SNAP25: variants seen among roughly 807,000 people sequenced by gnomAD.
SNAP25 encodes synaptosomal-associated protein 25.
A neutral mutation model predicts 28.7 loss-of-function variants in SNAP25; 3 were observed. That is an observed-to-expected ratio of 0.10 (90% CI 0.05 to 0.27). The LOEUF is 0.27. SNAP25 is among the 10% of genes least tolerant of loss of function. The pLI is 1.00. For synonymous variants in SNAP25, 61 were observed against 88.1 expected, an observed-to-expected ratio of 0.69 and a Z score of 1.72; for missense variants, 117 against 278.7, an observed-to-expected ratio of 0.42 and a Z score of 4.13.
chr20:10,296,799 G>T, intron 5 of SNAP25, 126 bp from the exon 6 acceptor site: 1 of 1,413,018 alleles, frequency 7.1e-7, no homozygotes, highest in Non-Finnish European at 9.6e-7. Context: ...TGATATATCG[G>T]TATTATCTAA....
rs530128254 is a variant in SNAP25, at chr20:10,251,694, G to C, written c.-63-23735G>C. ...TGATTAAAGCAGGCTAACCTTTCCT[G>C]GGTGGCTTTTGTCTTTCCTTTTTGT... On this transcript the variant is annotated intron_variant, in intron 1 of 7. Coordinates refer to ENST00000254976, the MANE Select transcript of SNAP25 (RefSeq NM_130811.4). Among the ~76,000 whole-genome samples, 13 of 152,278 alleles carry C rather than the reference G, an allele frequency of 8.5e-5. 1 individual carries two copies. The South Asian group carries it at 2.5e-3, about 29-fold the overall frequency.
chr20:10,269,526 A>T (rs555194586), intron 1 of SNAP25, among the ~76,000 whole-genome samples: 1 of 152,358 alleles, frequency 6.6e-6, no homozygotes, highest in South Asian at 2.1e-4. Context: ...GTCTATAGGA[A>T]ATGTATAATG....
At chr20:10,246,415 A>G (rs1016104576) in intron 1 of SNAP25, among the ~76,000 whole-genome samples, 7 of 152,210 alleles carry the variant, frequency 4.6e-5, no homozygotes, top group African/African-American at 1.7e-4. Flanking sequence ...TTATCAATGA[A>G]GACAGAATGA....
intron 1 of SNAP25, among the ~76,000 whole-genome samples, chr20:10,228,220 A>G (rs1420455544): frequency 1.3e-5 from 2 of 152,162 alleles, no homozygotes; most frequent in African/African-American, 4.8e-5. Context: ...ACCACAAGGA[A>G]AAAAGTAACT....
chr20:10,264,259 C>A (rs1209935239), intron 1 of SNAP25, among the ~76,000 whole-genome samples: 3 of 152,084 alleles, frequency 2.0e-5, no homozygotes, highest in Non-Finnish European at 4.4e-5. Flanking sequence ...ATCAGGGAAG[C>A]CAGACTTCCC....
intron 1 of SNAP25, among the ~76,000 whole-genome samples, chr20:10,274,511 T>G (rs1428716875): frequency 6.6e-6 from 1 of 152,252 alleles, no homozygotes; most frequent in East Asian, 1.9e-4. Context: ...TTTTTATTTA[T>G]ATAAAATTAT....
At chr20:10,263,009 CTTTTTTTTTTTTTTTTT>C (rs57690835) in intron 1 of SNAP25, among the ~76,000 whole-genome samples, 1 of 50,644 alleles carries the variant, frequency 2.0e-5, no homozygotes, top group East Asian at 8.1e-4. Context: ...CTGGGGTGCT[CTTTTTTTTTTTTTTTTT>C]TTTTTTTTTT....
intron 7 of SNAP25, among the ~76,000 whole-genome samples, chr20:10,304,487 C>A (rs60819175): frequency 1.3e-5 from 2 of 151,774 alleles, no homozygotes; most frequent in African/African-American, 4.8e-5. Flanking sequence ...TTACTGTATT[C>A]GTATGATAAA....
chr20:10,272,692 C>T (rs181506189), intron 1 of SNAP25, among the ~76,000 whole-genome samples: 3 of 152,294 alleles, frequency 2.0e-5, no homozygotes, highest in South Asian at 2.1e-4. Context: ...AACACGCATT[C>T]GAAAATTAGC....
intron 4 of SNAP25, among the ~76,000 whole-genome samples, chr20:10,285,058 T>C (rs577719708): frequency 7.9e-5 from 12 of 152,302 alleles, no homozygotes; most frequent in African/African-American, 2.9e-4. Flanking sequence ...TTTTAAATGA[T>C]AGTATTTTGG....
chr20:10,262,062 A>G (rs1050201938), intron 1 of SNAP25, among the ~76,000 whole-genome samples: 1 of 152,230 alleles, frequency 6.6e-6, no homozygotes, highest in African/African-American at 2.4e-5. Flanking sequence ...AGCCTTCTAT[A>G]CCAAGGCCAG....
At chr20:10,294,113 T>A (rs936297475) in intron 5 of SNAP25, among the ~76,000 whole-genome samples, 4 of 152,208 alleles carry the variant, frequency 2.6e-5, no homozygotes, top group Non-Finnish European at 5.9e-5. Context: ...AAGAAATGCA[T>A]GAGTGGATTG....
chr20:10,276,221 A>T (rs2063689076), intron 2 of SNAP25, among the ~76,000 whole-genome samples: 1 of 152,168 alleles, frequency 6.6e-6, no homozygotes, highest in South Asian at 2.1e-4. Context: ...AGGCTGAGGC[A>T]GGAGGATCGC....
intron 2 of SNAP25, 115 bp downstream of exon 2, chr20:10,275,678 A>T (rs2063680242): frequency 1.3e-6 from 1 of 790,990 alleles, no homozygotes; most frequent in African/African-American, 1.8e-5. Flanking sequence ...TTTTAGAAAA[A>T]GTAATATGAC....
intron 1 of SNAP25, among the ~76,000 whole-genome samples, chr20:10,254,317 A>T (rs149410389): frequency 6.6e-6 from 1 of 152,174 alleles, no homozygotes; most frequent in Non-Finnish European, 1.5e-5. Flanking sequence ...GCATGCTCTG[A>T]GGTGCATTTA....
intron 3 of SNAP25, among the ~76,000 whole-genome samples, chr20:10,278,443 G>T (rs1368547395): frequency 6.6e-6 from 1 of 152,188 alleles, no homozygotes; most frequent in Admixed American, 6.5e-5. Flanking sequence ...TGGTAGAGCA[G>T]CAGTCGGCCA....
chr20:10,238,322 A>G (rs916970543), intron 1 of SNAP25, among the ~76,000 whole-genome samples: 1 of 152,192 alleles, frequency 6.6e-6, no homozygotes, highest in Non-Finnish European at 1.5e-5. Context: ...TGATTTGTAC[A>G]TAAGCATCAG....
intron 7 of SNAP25, among the ~76,000 whole-genome samples, chr20:10,301,874 A>T (rs2123177200): frequency 6.9e-6 from 1 of 144,164 alleles, no homozygotes; most frequent in Admixed American, 6.9e-5. Context: ...ATATTATATA[A>T]TATATAATAT....
At chr20:10,300,837 T>C (rs1321751895) in intron 7 of SNAP25, among the ~76,000 whole-genome samples, 1 of 152,184 alleles carries the variant, frequency 6.6e-6, no homozygotes, top group Non-Finnish European at 1.5e-5. Context: ...ATAAAGCTTT[T>C]AAAGCTGTGT....
Sources: allele counts gnomAD v4.1 joint callset (sites outside exome capture counted in the v4.1 genomes callset), GRCh38; gene constraint gnomAD v4.1.1; transcripts MANE v1.5; gene names NCBI Gene and HGNC (gene_info 2026-07-23, HGNC 2026-07-21).